The following SIM2 variants were observed in gnomAD, a reference collection of about 807,000 sequenced individuals.
SIM2 encodes SIM bHLH transcription factor 2.
A neutral mutation model predicts 64.8 loss-of-function variants in SIM2; 28 were observed. The observed-to-expected ratio is 0.43, with a 90% CI of 0.32 to 0.59. The LOEUF is 0.59. Ranked by LOEUF, SIM2 falls within the 20% of genes least tolerant of loss-of-function variation. The pLI is 0.07. For synonymous variants in SIM2, 408 were observed against 391.1 expected (o/e 1.04, Z -0.51); for missense variants, 847 against 871.4 (o/e 0.97, Z 0.35).
intron 5 of SIM2, among the ~76,000 whole-genome samples, chr21:36,725,255 T>C (rs928618237): frequency 6.6e-6 from 1 of 152,036 alleles, no homozygotes; most frequent in African/African-American, 2.4e-5. Context: ...GAGGCTAAGG[T>C]GGGAGGATCA....
At chr21:36,701,940 G>A (rs2269190) in intron 1 of SIM2, among the ~76,000 whole-genome samples, 82,213 of 152,038 alleles carry the variant, frequency 0.54, 22,355 homozygotes, top group South Asian at 0.61. Context: ...CTTCGAAGCA[G>A]CAATCCAAAG....
chr21:36,731,105 C>A lies in SIM2; in HGVS notation c.804C>A (p.His268Gln). ...TGATCGAGAAGACCCTATACCATCACGTGCACGGCTGCGACGTGTTCCACC... is the reference window on the plus strand; with the variant it reads ...TGATCGAGAAGACCCTATACCATCAAGTGCACGGCTGCGACGTGTTCCACC... ...QDLIEKTLYH[H>Q]VHGCDVFHLR... Residue 268 changes from histidine (H) to glutamine (Q), a missense_variant, in exon 7 of 11, where the codon CAC becomes CAA. Physicochemically the swap from His to Gln is conservative, Grantham distance 24 (BLOSUM62 0). Around this residue, in one of 3 missense-constraint regions of SIM2, gnomAD observed 397 missense variants for 439.2 expected, o/e 0.90. Coordinates refer to ENST00000290399, the MANE Select transcript of SIM2 (RefSeq NM_005069.6). 1 of 1,614,046 alleles carries A rather than the reference C, an allele frequency of 6.2e-7. No homozygotes were observed.
chr21:36,722,705 C>T (rs113120625), intron 4 of SIM2, among the ~76,000 whole-genome samples: 7 of 152,286 alleles, frequency 4.6e-5, no homozygotes, highest in African/African-American at 1.7e-4. Context: ...GTCCTGCTAC[C>T]CTGAGGGAGG....
At chr21:36,717,131 C>T (rs1313815263) in intron 3 of SIM2, among the ~76,000 whole-genome samples, 10 of 152,192 alleles carry the variant, frequency 6.6e-5, no homozygotes, top group African/African-American at 1.9e-4. Context: ...CCTTCTCATT[C>T]TTCAAAAGCA....
chr21:36,744,875 C>G lies in SIM2; in HGVS notation c.1315C>G (p.Pro439Ala). ...DLLYTPSYSL[P>A]FSYHYGHFPL... is the part of the protein sequence containing the mutation. ...TCTGTACACGCCATCCTACAGCCTG[C>G]CCTTCTCCTACCATTACGGACACTT... The change falls in exon 10 of 11, where the codon CCC becomes GCC. Residue 439 changes from proline (P) to alanine (A), a missense_variant. Pro to Ala is a conservative substitution (Grantham distance 27). Transcript: ENST00000290399. The G allele has an allele frequency of 6.2e-7, 1 of 1,614,266 alleles. No individual in the cohort carries two copies. The highest frequency in any genetic ancestry group is 8.5e-7 in the Non-Finnish European group (1 of 1,180,046).
At chr21:36,718,329 A>T (rs1005497577) in intron 3 of SIM2, among the ~76,000 whole-genome samples, 1 of 152,168 alleles carries the variant, frequency 6.6e-6, no homozygotes, top group African/African-American at 2.4e-5. Flanking sequence ...GAACTTCTCC[A>T]TTAAGCAGCT....
At position 36,720,119 on chromosome 21, in the gene SIM2, C is replaced by A. The variant is rs981121622; in HGVS notation, c.457+190C>A. On this transcript the variant is annotated intron_variant, in intron 4 of 10. Coordinates refer to ENST00000290399, the MANE Select transcript of SIM2 (RefSeq NM_005069.6). ...TGCATTGATACCTGTGTCTTTTAAG[C>A]CAATATTCATCAAGCTCCTATTGTT... The A allele has an allele frequency of 8.6e-6, 5 of 581,744 alleles. No homozygotes were observed. The African/African-American group carries it at 9.3e-5, about 11-fold the overall frequency. 36.0% of individuals were successfully genotyped at this position (581,744 alleles called of 1,614,324 possible). A position where few individuals can be genotyped will look rare whatever the true frequency, so the allele number is the denominator to read the frequency against.
rs1601063482 is a variant in SIM2 at position 36,745,778 on chromosome 21, C to T, written c.1576+642C>T. On this transcript the variant is annotated intron_variant, in intron 10 of 10. Transcript: ENST00000290399. This position sits in a 1 kb window ranked among gnomAD's most constrained non-coding sequence, Gnocchi z 4.8. ...TTCAACAGAAAGGAATGGCCTTTCA[C>T]CTTCTCCTGGTGGCAGGCAAGCAGA... is the stretch of plus-strand genomic sequence containing the variant. 1 of 1,303,434 alleles carries T rather than the reference C, an allele frequency of 7.7e-7. No homozygotes were observed. Among genetic ancestry groups the T allele is most frequent in the Non-Finnish European group, 1.0e-6 (1 of 988,360 alleles). The allele number at this position is 1,303,434 out of a possible 1,614,324, so 80.7% of individuals were successfully genotyped here. A position where few individuals can be genotyped will look rare whatever the true frequency, so the allele number is the denominator to read the frequency against.
At chr21:36,713,730 T>C (rs369952612) in intron 3 of SIM2, among the ~76,000 whole-genome samples, 51 of 152,372 alleles carry the variant, frequency 3.3e-4, no homozygotes, top group African/African-American at 1.2e-3. Flanking sequence ...CTTTTATTTT[T>C]CTGCCAATAC....
At chr21:36,719,633 A>G (rs2088795407) in intron 3 of SIM2, among the ~76,000 whole-genome samples, 188 bp from the exon 4 acceptor site, 1 of 152,136 alleles carries the variant, frequency 6.6e-6, no homozygotes, top group Non-Finnish European at 1.5e-5. Flanking sequence ...ACAGTGTGGG[A>G]GACAGTTCAG....
rs573180823 is a variant in SIM2, at chr21:36,726,161, C to T, written c.586C>T (p.Leu196=). Residue 196 remains leucine (L), a synonymous_variant, in exon 6 of 11, where the codon CTG becomes TTG. Coordinates refer to ENST00000290399, the MANE Select transcript of SIM2 (RefSeq NM_005069.6). This position sits in a 1 kb window ranked among gnomAD's most constrained non-coding sequence, Gnocchi z 4.5. Reference sequence around the variant, plus strand: ...CTACTTGAAGATCAGGCAGTATATGCTGGACATGTCCCTGTACGACTCCTG... The same window carrying T: ...CTACTTGAAGATCAGGCAGTATATGTTGGACATGTCCCTGTACGACTCCTG... ...SGYLKIRQYM[L]DMSLYDSCYQ... The T allele has an allele frequency of 6.2e-7, 1 of 1,614,002 alleles. No homozygotes were observed. Among genetic ancestry groups the T allele is most frequent in the Non-Finnish European group, 8.5e-7 (1 of 1,180,036 alleles).
chr21:36,714,431 T>C (rs1023615034), intron 3 of SIM2, among the ~76,000 whole-genome samples: 2 of 152,250 alleles, frequency 1.3e-5, no homozygotes, highest in African/African-American at 4.8e-5. Flanking sequence ...TATTGTCTGA[T>C]AGGGCAGGTT....
At position 36,723,039 on chromosome 21, in the gene SIM2, T is replaced by C; in HGVS notation, c.458-6T>C. 1 of 1,613,400 alleles carries C rather than the reference T, an allele frequency of 6.2e-7. No individual in the cohort carries two copies. Among genetic ancestry groups the C allele is most frequent in the Non-Finnish European group, 8.5e-7 (1 of 1,179,310 alleles). The stretch of plus-strand genomic sequence containing the variant: ...GCTGCCAACCTCATCTTGCTCCTGC[T>C]TGCAGAGTATGAGATAGAGAGGTCG... On this transcript the variant is annotated splice_region_variant and splice_polypyrimidine_tract_variant and intron_variant, in intron 4 of 10. Coordinates refer to ENST00000290399, the MANE Select transcript of SIM2 (RefSeq NM_005069.6).
At chr21:36,743,664 C>A in intron 9 of SIM2, 109 bp downstream of exon 9, 2 of 1,109,052 alleles carry the variant, frequency 1.8e-6, no homozygotes, top group East Asian at 5.0e-5. Flanking sequence ...CAGGGATCTC[C>A]CTGCCGTGGA....
chr21:36,718,942 T>C (rs2088781956), intron 3 of SIM2, among the ~76,000 whole-genome samples: 1 of 152,210 alleles, frequency 6.6e-6, no homozygotes, highest in African/African-American at 2.4e-5. Flanking sequence ...AATTTGGGCC[T>C]CCAGGGACCT....
At chr21:36,724,097 C>G (rs2088859430) in intron 5 of SIM2, among the ~76,000 whole-genome samples, 1 of 152,230 alleles carries the variant, frequency 6.6e-6, no homozygotes, top group African/African-American at 2.4e-5. Flanking sequence ...TGCCTTTGTC[C>G]TCTCTTTCTG....
Position 36,747,036 on chromosome 21 carries a change from A to C in SIM2, c.1577-629A>C, listed in dbSNP as rs1242146724. Among the ~76,000 whole-genome samples, 1 of 152,196 alleles carries C rather than the reference A, an allele frequency of 6.6e-6. No individual in the cohort carries two copies. The highest frequency in any genetic ancestry group is 6.5e-5 in the Admixed American group (1 of 15,288). ...GCCATATAGTGTTTAAAAACAAACAAACAAACAAAGACAAAAAAAACCCAC... is the reference window on the plus strand; with the variant it reads ...GCCATATAGTGTTTAAAAACAAACACACAAACAAAGACAAAAAAAACCCAC... On this transcript the variant is annotated intron_variant, in intron 10 of 10. Transcript: ENST00000290399. The surrounding 1 kb of genome is among the most constrained non-coding windows in gnomAD (Gnocchi z 4.5).
intron 4 of SIM2, among the ~76,000 whole-genome samples, chr21:36,722,679 G>T (rs1488464175): frequency 7.2e-5 from 11 of 152,182 alleles, no homozygotes; most frequent in Admixed American, 6.5e-4. Context: ...CCAAGCCTTG[G>T]GTCACACACA....
rs931182619 is a variant in SIM2 at position 36,725,818 on chromosome 21, G to A, written c.544-301G>A. On this transcript the variant is annotated intron_variant, in intron 5 of 10. Coordinates refer to ENST00000290399, the MANE Select transcript of SIM2 (RefSeq NM_005069.6). ...GTATTTTTTGTAGAGAAGGGGTTTC[G>A]CCATGTCACCAAGGCTGGTCTCGAA... Among the ~76,000 whole-genome samples the A allele has an allele frequency of 5.9e-5, 9 of 151,990 alleles. No individual in the cohort carries two copies. The East Asian group carries it at 7.7e-4, about 13-fold the overall frequency.
Sources: allele counts gnomAD v4.1 joint callset (sites outside exome capture counted in the v4.1 genomes callset), GRCh38; gene constraint gnomAD v4.1.1; regional missense constraint gnomAD v4.1.1; non-coding constraint Gnocchi (gnomAD v3.1); transcripts MANE v1.5; gene names NCBI Gene and HGNC (gene_info 2026-07-23, HGNC 2026-07-21).